The following RIMS1 variants were observed in gnomAD, a reference collection of about 807,000 sequenced individuals.
RIMS1 encodes regulating synaptic membrane exocytosis protein 1.
Under a neutral mutation model 214.1 loss-of-function variants are expected in RIMS1, and 83 were observed. That is an observed-to-expected ratio of 0.39 (90% confidence interval 0.32 to 0.47). The LOEUF is 0.47. Among genes scored for constraint, RIMS1 ranks in the 20% least tolerant of loss-of-function variants. RIMS1 has a pLI of 0.99. For missense variants in RIMS1, 2,050 were observed against 2,161.8 expected, an observed-to-expected ratio of 0.95 and a Z score of 1.03; for synonymous variants, 793 against 786.8, an observed-to-expected ratio of 1.01 and a Z score of -0.13.
intron 29 of RIMS1, 104 bp from the exon 30 acceptor site, chr6:72,390,494 T>A (rs2098685813): frequency 8.0e-7 from 1 of 1,253,826 alleles, no homozygotes; most frequent in Non-Finnish European, 1.1e-6. Flanking sequence ...TGATTAAATT[T>A]GTAATTATGT....
chr6:72,337,713 T>A (rs1369610273), intron 29 of RIMS1, among the ~76,000 whole-genome samples: 1 of 149,450 alleles, frequency 6.7e-6, no homozygotes, highest in Non-Finnish European at 1.5e-5. Context: ...TAGCATTAGG[T>A]ATATCTCCTA....
rs2072544747 is a variant in RIMS1 at position 72,250,207 on chromosome 6, T to G, written c.2242-123T>G. The G allele has an allele frequency of 9.2e-6, 8 of 868,520 alleles. No individual in the cohort carries two copies. In the South Asian group the frequency reaches 1.4e-4, roughly 15 times the overall value. 53.8% of individuals were successfully genotyped at this position (868,520 alleles called of 1,614,324 possible). A position where few individuals can be genotyped will look rare whatever the true frequency, so the allele number is the denominator to read the frequency against. ...TCAAATTGGTGTGTTTTTAGAAATA[T>G]CTGTAATTGCATTATATTGTAATTC... On this transcript the variant is annotated intron_variant, in intron 12 of 33. Coordinates refer to ENST00000521978, the MANE Select transcript of RIMS1 (RefSeq NM_014989.7).
At chr6:71,903,369 G>C (rs1439515840) in intron 1 of RIMS1, among the ~76,000 whole-genome samples, 2 of 152,014 alleles carry the variant, frequency 1.3e-5, no homozygotes, top group African/African-American at 4.8e-5. Context: ...CTTTTTAATG[G>C]AGTTGTGTAA....
chr6:72,038,122 T>TAA (rs1820431489), intron 2 of RIMS1, among the ~76,000 whole-genome samples: 1 of 57,542 alleles, frequency 1.7e-5, no homozygotes, highest in Non-Finnish European at 3.0e-5. Flanking sequence ...AAAAAAAATA[T>TAA]ATATATATAT....
intron 26 of RIMS1, among the ~76,000 whole-genome samples, chr6:72,299,773 A>G (rs1281389883): frequency 6.6e-6 from 1 of 151,908 alleles, no homozygotes; most frequent in Non-Finnish European, 1.5e-5. Context: ...GTGGTTGTGA[A>G]ACACTATAAG....
chr6:72,160,382 TC>T lies in RIMS1; in HGVS notation c.472-19191del, dbSNP rs1401732083. Among the ~76,000 whole-genome samples, 6 of 139,830 alleles carry T rather than the reference TC, an allele frequency of 4.3e-5. 1 individual carries two copies. The highest frequency in any genetic ancestry group is 9.7e-5 in the Non-Finnish European group (6 of 61,720). 91.7% of individuals were successfully genotyped at this position (139,830 alleles called of 152,430 possible). On this transcript the variant is annotated intron_variant, in intron 4 of 33. Transcript: ENST00000521978. ...TAATTGAATACCCTTTATTTTCTTC[TC>T]CTGCCTGATTGCCCTGGCCAGAACT...
At chr6:71,897,353 G>A (rs999818477) in intron 1 of RIMS1, among the ~76,000 whole-genome samples, 5 of 152,116 alleles carry the variant, frequency 3.3e-5, no homozygotes, top group African/African-American at 9.7e-5. Flanking sequence ...GTCTGATCAT[G>A]TCTCTCCCAT....
chr6:72,209,899 TCAAAAAAAAAAAA>T lies in RIMS1; in HGVS notation c.1679-23873_1679-23861del, dbSNP rs1183221683. On this transcript the variant is annotated intron_variant, in intron 6 of 33. Transcript: ENST00000521978. Reference sequence around the variant, plus strand: ...CTGGGCGACAGAGTGAGACTCTGTCTCAAAAAAAAAAAAAAAAAAAAAAAAGGGAAAGAAACAT... The same window carrying T: ...CTGGGCGACAGAGTGAGACTCTGTCTAAAAAAAAAAAAGGGAAAGAAACAT... 4.4e-5 allele frequency among the ~76,000 whole-genome samples: 3 copies of T among 68,146 alleles called. No homozygotes were observed. In the East Asian group the frequency reaches 7.9e-4, roughly 18 times the overall value. 44.7% of individuals were successfully genotyped at this position (68,146 alleles called of 152,430 possible). A position where few individuals can be genotyped will look rare whatever the true frequency, so the allele number is the denominator to read the frequency against.
rs35243498 is a variant in RIMS1, at chr6:72,171,347, C to CATGT, written c.472-8228_472-8227insATGT. Among the ~76,000 whole-genome samples, 172 of 149,190 alleles carry CATGT rather than the reference C, an allele frequency of 1.2e-3. 3 individuals carry two copies. The East Asian group carries it at 0.021, about 18-fold the overall frequency. On this transcript the variant is annotated intron_variant, in intron 4 of 33. Coordinates refer to ENST00000521978, the MANE Select transcript of RIMS1 (RefSeq NM_014989.7). ...ATATATAATGTATAAATATATATTACGTGTGTGTGTGTATATATATATATG... is the reference window on the plus strand; with the variant it reads ...ATATATAATGTATAAATATATATTACATGTGTGTGTGTGTGTATATATATATATG...
intron 4 of RIMS1, among the ~76,000 whole-genome samples, chr6:72,149,992 C>T (rs1000723604): frequency 6.6e-6 from 1 of 152,078 alleles, no homozygotes; most frequent in Non-Finnish European, 1.5e-5. Flanking sequence ...TTTTCTGCAT[C>T]CAAGAAGAAT....
chr6:72,091,763 G>A (rs983132109), intron 2 of RIMS1, among the ~76,000 whole-genome samples: 9 of 152,032 alleles, frequency 5.9e-5, no homozygotes, highest in Admixed American at 4.6e-4. Context: ...TCTTTTGATA[G>A]CATTGTGTAT....
intron 28 of RIMS1, among the ~76,000 whole-genome samples, chr6:72,316,271 A>G (rs2095791930): frequency 6.6e-6 from 1 of 152,118 alleles, no homozygotes; most frequent in South Asian, 2.1e-4. Flanking sequence ...AGCTTGGAGC[A>G]CAGGAGGGGA....
chr6:71,952,494 G>T (rs1253689160), intron 1 of RIMS1, among the ~76,000 whole-genome samples: 3 of 152,108 alleles, frequency 2.0e-5, no homozygotes, highest in Non-Finnish European at 4.4e-5. Context: ...CGGGAAATTC[G>T]TGAGGCCCTT....
chr6:72,376,482 C>T (rs903950679), intron 29 of RIMS1, among the ~76,000 whole-genome samples: 23 of 152,086 alleles, frequency 1.5e-4, no homozygotes, highest in African/African-American at 4.3e-4. Context: ...GGCTGGGCTC[C>T]GTGGCTCATT....
intron 24 of RIMS1, among the ~76,000 whole-genome samples, chr6:72,290,230 G>A (rs1393365961): frequency 1.3e-5 from 2 of 152,196 alleles, no homozygotes; most frequent in East Asian, 3.9e-4. Context: ...TAAAAATATA[G>A]AGGCCTACAG....
At chr6:72,217,349 A>G (rs2056597581) in intron 6 of RIMS1, 1 of 1,005,398 alleles carries the variant, frequency 9.9e-7, no homozygotes, top group Non-Finnish European at 1.4e-6. Context: ...AGATTCTATC[A>G]GTAGAGAATA....
chr6:72,008,870 T>C (rs1470579445), intron 2 of RIMS1, among the ~76,000 whole-genome samples: 1 of 152,016 alleles, frequency 6.6e-6, no homozygotes, highest in East Asian at 1.9e-4. Flanking sequence ...CACACAATAA[T>C]AATGGGAGAC....
intron 29 of RIMS1, among the ~76,000 whole-genome samples, chr6:72,345,498 C>G (rs1372136110): frequency 6.6e-6 from 1 of 151,748 alleles, no homozygotes; most frequent in Non-Finnish European, 1.5e-5. Flanking sequence ...GGTTCCATGA[C>G]TTGTCTGAGG....
chr6:72,036,921 A>G (rs1413660330), intron 2 of RIMS1, among the ~76,000 whole-genome samples: 1 of 152,310 alleles, frequency 6.6e-6, no homozygotes, highest in East Asian at 1.9e-4. Flanking sequence ...TAGATCAATC[A>G]GTAAATCTTA....
Sources: gnomAD v4.1 joint callset for allele counts (sites outside exome capture counted in the v4.1 genomes callset) on GRCh38, gnomAD v4.1.1 for gene constraint, MANE v1.5 for transcripts, NCBI Gene and HGNC (gene_info 2026-07-23, HGNC 2026-07-21) for gene names.